Variants in POLR1B observed in about 807,000 individuals in gnomAD.
POLR1B encodes RNA polymerase I subunit B, also known as DNA-directed RNA polymerase I subunit RPA2.
A neutral mutation model predicts 105.8 loss-of-function variants in POLR1B; 30 were observed. The ratio of observed to expected loss-of-function variants is 0.28; its 90% CI spans 0.21 to 0.38. The LOEUF (loss-of-function observed/expected upper bound fraction) is 0.38, where lower values mean the gene tolerates loss of function less well. POLR1B is among the 10% of genes least tolerant of loss of function. The probability of loss-of-function intolerance (pLI) is 1.00; values close to 1 mark genes in which losing one functional copy is unlikely to be tolerated. For synonymous variants in POLR1B, 485 were observed against 505.1 expected (o/e 0.96, Z 0.53); for missense variants, 976 against 1,435.8 (o/e 0.68, Z 5.17).
chr2:112,575,899 A>G lies in POLR1B; in HGVS notation c.*170A>G. 6.4e-6 allele frequency: 4 copies of G among 627,160 alleles called. No homozygotes were observed. The highest frequency in any genetic ancestry group is 8.1e-6 in the Non-Finnish European group (3 of 372,018). 38.8% of individuals were successfully genotyped at this position (627,160 alleles called of 1,614,324 possible). A position where few individuals can be genotyped will look rare whatever the true frequency, so the allele number is the denominator to read the frequency against. ...CAAGGTTTCTGAATCTCTCTGGTAGATTAACTATTGACAATGATTTTCTGT... is the reference window on the plus strand; with the variant it reads ...CAAGGTTTCTGAATCTCTCTGGTAGGTTAACTATTGACAATGATTTTCTGT... On this transcript the variant is annotated 3_prime_UTR_variant, in exon 15 of 15. Coordinates refer to ENST00000263331, the MANE Select transcript of POLR1B (RefSeq NM_019014.6). The surrounding 1 kb of genome is among the most constrained non-coding windows in gnomAD (Gnocchi z 5.3).
chr2:112,560,892 A>G (rs1683945492), intron 9 of POLR1B, among the ~76,000 whole-genome samples: 1 of 152,136 alleles, frequency 6.6e-6, no homozygotes, highest in Non-Finnish European at 1.5e-5. Flanking sequence ...CCCCATCTCT[A>G]CTAAATATAC....
intron 9 of POLR1B, among the ~76,000 whole-genome samples, chr2:112,562,719 CTTTTTTTTCTTTTT>C (rs1453598304): frequency 0.02 from 2,675 of 131,772 alleles, 95 homozygotes; most frequent in African/African-American, 0.077. Context: ...GTGACAATTT[CTTTTTTTTCTTTTT>C]TTTTTTTTTT....
chr2:112,546,881 C>A, intron 1 of POLR1B, 131 bp from the exon 2 acceptor site: 1 of 996,878 alleles, frequency 1.0e-6, no homozygotes. Flanking sequence ...GTAGCCTTAA[C>A]TGTCCTTTTT....
chr2:112,560,458 A>G (rs1236982627), intron 9 of POLR1B, among the ~76,000 whole-genome samples: 2 of 152,056 alleles, frequency 1.3e-5, no homozygotes, highest in African/African-American at 2.4e-5. Flanking sequence ...CATCAGATAT[A>G]TAACCTTTTT....
At chr2:112,547,661 A>G (rs1366797650) in intron 3 of POLR1B, 94 bp downstream of exon 3, 2 of 1,391,812 alleles carry the variant, frequency 1.4e-6, no homozygotes, top group Non-Finnish European at 2.0e-6. Context: ...TCTGTGCTCC[A>G]ATTTCTGGAT....
chr2:112,566,394 C>T (rs964457422), intron 10 of POLR1B, among the ~76,000 whole-genome samples: 1 of 152,280 alleles, frequency 6.6e-6, no homozygotes, highest in Admixed American at 6.5e-5. Context: ...AATTACTATT[C>T]CATTGGTGGT....
intron 1 of POLR1B, 105 bp downstream of exon 1, chr2:112,542,776 A>C: frequency 1.4e-6 from 2 of 1,421,476 alleles, no homozygotes; most frequent in Non-Finnish European, 1.9e-6. Context: ...CTTGATCCTG[A>C]CAGGCTTGGT....
chr2:112,557,993 C>T lies in POLR1B; in HGVS notation c.1242C>T (p.Asp414=). 1.4e-6 allele frequency: 2 copies of T among 1,423,998 alleles called. No individual in the cohort carries two copies. Among genetic ancestry groups the T allele is most frequent in the African/African-American group, 1.5e-5 (1 of 68,864 alleles). 88.2% of individuals were successfully genotyped at this position (1,423,998 alleles called of 1,614,324 possible). ...AQKTSVSMNT[D]NLMRIFTMGI... ...AGACCAGTGTTTCCATGAACACTGA[C>T]AATTTGATGAGGATTTTTACAATGG... Residue 414 remains aspartate, a synonymous_variant, in exon 8 of 15, where the codon GAC becomes GAT. Coordinates refer to ENST00000263331, the MANE Select transcript of POLR1B (RefSeq NM_019014.6).
intron 7 of POLR1B, chr2:112,553,287 C>T (rs979297182): frequency 2.0e-5 from 3 of 152,298 alleles, no homozygotes; most frequent in African/African-American, 7.2e-5. Context: ...GGTTTCAGCT[C>T]ATACTATAAA....
Position 112,575,126 on chromosome 2 carries a change from G to A in POLR1B, c.2805G>A (p.Gly935=), listed in dbSNP as rs766688479. 31 of 1,614,052 alleles carry A rather than the reference G, an allele frequency of 1.9e-5. No homozygotes were observed. In the Admixed American group the frequency reaches 3.7e-4, roughly 19 times the overall value. The change falls in exon 15 of 15, where the codon GGG becomes GGA. Residue 935 remains glycine, a synonymous_variant. Transcript: ENST00000263331. This position sits in a 1 kb window ranked among gnomAD's most constrained non-coding sequence, Gnocchi z 5.3. ...TIGMLIESMA[G]KSAALHGLCH... ...GGATGTTAATTGAGAGTATGGCCGG[G>A]AAGTCTGCAGCTTTGCATGGTCTCT...
rs570304278 is a variant in POLR1B at position 112,556,047 on chromosome 2, CACAA to C, written c.1159-1857_1159-1854del. Among the ~76,000 whole-genome samples the C allele has an allele frequency of 2.9e-3, 436 of 152,192 alleles. 2 individuals carry two copies. The highest frequency in any genetic ancestry group is 5.1e-3 in the Non-Finnish European group (344 of 67,984). On this transcript the variant is annotated intron_variant, in intron 7 of 14. Transcript: ENST00000263331. ...AGTTATGAAAAAAAAGGGAGAAGAA[CACAA>C]ACAAATCAGTTGTCAAGATCCAGGG... is the stretch of plus-strand genomic sequence containing the variant.
At chr2:112,568,530 A>G (rs1053523718) in intron 11 of POLR1B, among the ~76,000 whole-genome samples, 1 of 152,150 alleles carries the variant, frequency 6.6e-6, no homozygotes, top group Non-Finnish European at 1.5e-5. Context: ...TCCCCTTCAC[A>G]ATTGGTCTGG....
In POLR1B at chr2:112,572,804, CTTGT is replaced by C. The variant is rs777097840; in HGVS notation, c.2271+53_2271+56del. The C allele has an allele frequency of 1.4e-5, 20 of 1,469,554 alleles. No homozygotes were observed. The Admixed American group carries it at 2.6e-4, about 19-fold the overall frequency. 91.0% of individuals were successfully genotyped at this position (1,469,554 alleles called of 1,614,324 possible). A position where few individuals can be genotyped will look rare whatever the true frequency, so the allele number is the denominator to read the frequency against. ...TTGTTCCAATCTTTTTATTTTTTAA[CTTGT>C]TTGTTTACTGTGAAATCACTGAAGG... On this transcript the variant is annotated intron_variant, in intron 13 of 14. Coordinates refer to ENST00000263331, the MANE Select transcript of POLR1B (RefSeq NM_019014.6).
At chr2:112,542,105 G>A (rs770261029), upstream of POLR1B, 34 of 1,535,632 alleles carry the variant, frequency 2.2e-5, no homozygotes, top group Non-Finnish European at 2.7e-5. Context: ...GGAAACAGAA[G>A]AGAGCCTGAG....
chr2:112,579,701 A>G lies in POLR1B; in HGVS notation c.*3972A>G, dbSNP rs1356510251. On this transcript the variant is annotated 3_prime_UTR_variant, in exon 15 of 15. Transcript: ENST00000263331. ...ACATCTCTTCATGTGTTTATTTGCC[A>G]TCTGTGTATCTTCAGTGAAATGTCT... The G allele has an allele frequency of 2.0e-5, 3 of 152,184 alleles. No homozygotes were observed. In the East Asian group the frequency reaches 5.8e-4, roughly 29 times the overall value. The allele number at this position is 152,184 out of a possible 1,614,324, so 9.4% of individuals were successfully genotyped here. A position where few individuals can be genotyped will look rare whatever the true frequency, so the allele number is the denominator to read the frequency against.
chr2:112,547,139 A>C lies in POLR1B; in HGVS notation c.305A>C (p.Glu102Ala). The change falls in exon 2 of 15, where the codon GAA becomes GCA. Residue 102 changes from glutamate to alanine, a missense_variant. By Grantham distance (107) the Glu-to-Ala change is moderately radical (BLOSUM62 -1). This residue lies in a region of POLR1B where 452 missense variants were observed against 616.5 expected (regional missense o/e 0.73). Coordinates refer to ENST00000263331, the MANE Select transcript of POLR1B (RefSeq NM_019014.6). ...AAAGAGGCCAATGTTTATCCAGCAG[A>C]ATGCCGGGGCCGAAGGAGTACCTAC... ...ICKEANVYPA[E>A]CRGRRSTYRG... 6.2e-7 allele frequency: 1 copy of C among 1,614,180 alleles called. No individual in the cohort carries two copies. The highest frequency in any genetic ancestry group is 8.5e-7 in the Non-Finnish European group (1 of 1,180,034).
chr2:112,572,656 A>G lies in POLR1B; in HGVS notation c.2169A>G (p.Arg723=), dbSNP rs1395294217. Residue 723 remains arginine, a synonymous_variant, in exon 13 of 15, where the codon AGA becomes AGG. Coordinates refer to ENST00000263331, the MANE Select transcript of POLR1B (RefSeq NM_019014.6). ...RLQTPQSPLV[R]PSMYDYYDMD... is the part of the protein sequence containing the mutation. The stretch of plus-strand genomic sequence containing the variant: ...AGACTCCTCAGAGTCCCTTGGTGAG[A>G]CCCTCCATGTATGATTATTATGACA... 6.2e-7 allele frequency: 1 copy of G among 1,613,398 alleles called. No individual in the cohort carries two copies. The highest frequency in any genetic ancestry group is 1.7e-5 in the Admixed American group (1 of 59,928).
Position 112,572,554 on chromosome 2 carries a change from C to T in POLR1B, c.2075-8C>T, listed in dbSNP as rs757004527. On this transcript the variant is annotated splice_region_variant and splice_polypyrimidine_tract_variant and intron_variant, in intron 12 of 14. Transcript: ENST00000263331. ...CAGAAAATGCTAAGATGTTTTTTCTCCATGTAGGTAAGCAAACTATGGGCT... is the reference window on the plus strand; with the variant it reads ...CAGAAAATGCTAAGATGTTTTTTCTTCATGTAGGTAAGCAAACTATGGGCT... The T allele has an allele frequency of 1.9e-6, 3 of 1,548,026 alleles. No individual in the cohort carries two copies. The highest frequency in any genetic ancestry group is 2.8e-5 in the African/African-American group (2 of 72,498).
At chr2:112,557,054 A>G (rs1372975324) in intron 7 of POLR1B, among the ~76,000 whole-genome samples, 1 of 152,154 alleles carries the variant, frequency 6.6e-6, no homozygotes, top group Non-Finnish European at 1.5e-5. Flanking sequence ...AAGCTGAGGC[A>G]AGAGGATTGC....
Sources: gnomAD v4.1 joint callset for allele counts (sites outside exome capture counted in the v4.1 genomes callset) on GRCh38, gnomAD v4.1.1 for gene constraint, gnomAD v4.1.1 regional missense constraint, Gnocchi (gnomAD v3.1) non-coding constraint, MANE v1.5 for transcripts, NCBI Gene and HGNC (gene_info 2026-07-23, HGNC 2026-07-21) for gene names.